Variants in UGGT2 observed in about 807,000 individuals in gnomAD.
UGGT2 encodes UDP-glucose:glycoprotein glucosyltransferase 2.
A neutral mutation model predicts 192.1 loss-of-function variants in UGGT2; 180 were observed. That is an observed-to-expected ratio of 0.94 (90% confidence interval 0.83 to 1.06). The LOEUF (loss-of-function observed/expected upper bound fraction) is 1.06, where lower values mean the gene tolerates loss of function less well. Ranked by LOEUF, UGGT2 falls within the 50% of genes least tolerant of loss-of-function variation. The pLI, the probability that UGGT2 is intolerant of heterozygous loss-of-function variation, is 0.00. For synonymous variants in UGGT2, 580 were observed against 591.0 expected (o/e 0.98, Z 0.27); for missense variants, 1,849 against 1,795.7 (o/e 1.03, Z -0.54).
chr13:95,815,409 T>C (rs937570627), intron 38 of UGGT2, among the ~76,000 whole-genome samples: 8 of 152,174 alleles, frequency 5.3e-5, no homozygotes, highest in African/African-American at 1.7e-4. Flanking sequence ...CCACAGGACA[T>C]AAGTCCAATA....
chr13:95,890,608 T>G (rs2047772800), intron 25 of UGGT2, among the ~76,000 whole-genome samples: 1 of 152,174 alleles, frequency 6.6e-6, no homozygotes, highest in Admixed American at 6.5e-5. Flanking sequence ...TAAAGTTCAC[T>G]GAGACCTATT....
At chr13:95,867,468 T>C in intron 29 of UGGT2, 45 bp from the exon 30 acceptor site, 2 of 1,472,418 alleles carry the variant, frequency 1.4e-6, no homozygotes, top group Non-Finnish European at 1.9e-6. Context: ...AGAATAGACA[T>C]ACAATTATGA....
At chr13:95,903,419 G>C (rs921422495) in intron 20 of UGGT2, among the ~76,000 whole-genome samples, 2 of 152,126 alleles carry the variant, frequency 1.3e-5, no homozygotes, top group African/African-American at 4.8e-5. Flanking sequence ...ACTCCAAAAA[G>C]ATTCCGCAGA....
At chr13:95,833,714 C>G (rs767437073) in intron 37 of UGGT2, among the ~76,000 whole-genome samples, 1 of 152,068 alleles carries the variant, frequency 6.6e-6, no homozygotes, top group Non-Finnish European at 1.5e-5. Flanking sequence ...ATATATTGGA[C>G]GTGAGCTGTA....
chr13:95,905,494 C>G (rs1380912661), intron 20 of UGGT2, among the ~76,000 whole-genome samples: 2 of 151,670 alleles, frequency 1.3e-5, no homozygotes, highest in Non-Finnish European at 2.9e-5. Context: ...GGAAGGGATC[C>G]AGTTTCAGCT....
At chr13:95,983,125 A>G (rs2051179602) in intron 10 of UGGT2, among the ~76,000 whole-genome samples, 1 of 152,186 alleles carries the variant, frequency 6.6e-6, no homozygotes, top group South Asian at 2.1e-4. Flanking sequence ...ATCCTCACCA[A>G]TGAGATAGAA....
At chr13:95,873,080 T>C (rs1379072986) in intron 29 of UGGT2, among the ~76,000 whole-genome samples, 1 of 152,222 alleles carries the variant, frequency 6.6e-6, no homozygotes, top group Non-Finnish European at 1.5e-5. Context: ...ACAATTCATA[T>C]ACAGGGCTTT....
At chr13:96,037,849 G>A (rs2053050558) in intron 1 of UGGT2, among the ~76,000 whole-genome samples, 1 of 152,140 alleles carries the variant, frequency 6.6e-6, no homozygotes, top group Non-Finnish European at 1.5e-5. Context: ...CAAATTGAAG[G>A]AAAGCAGAAT....
intron 33 of UGGT2, among the ~76,000 whole-genome samples, chr13:95,857,903 A>T (rs1889766634): frequency 6.6e-6 from 1 of 151,896 alleles, no homozygotes; most frequent in East Asian, 1.9e-4. Context: ...TGGGTTAAAT[A>T]CTCCCTTATT....
intron 27 of UGGT2, 128 bp downstream of exon 27, chr13:95,884,363 C>T (rs2047583856): frequency 3.9e-6 from 3 of 775,528 alleles, no homozygotes; most frequent in African/African-American, 1.8e-5. Flanking sequence ...TGGATCAGGA[C>T]CTAGAATCAT....
At chr13:95,873,331 C>A (rs1023856191) in intron 29 of UGGT2, among the ~76,000 whole-genome samples, 1 of 152,180 alleles carries the variant, frequency 6.6e-6, no homozygotes, top group African/African-American at 2.4e-5. Context: ...CACTCATTTT[C>A]TTGACTATCT....
At chr13:96,005,288 A>G (rs555958267) in intron 5 of UGGT2, among the ~76,000 whole-genome samples, 11 of 152,326 alleles carry the variant, frequency 7.2e-5, no homozygotes, top group African/African-American at 2.6e-4. Context: ...TGAAGCTGGT[A>G]AAGATATTTA....
chr13:95,860,519 T>C (rs534738559), intron 32 of UGGT2, among the ~76,000 whole-genome samples: 3 of 149,816 alleles, frequency 2.0e-5, no homozygotes, highest in African/African-American at 7.3e-5. Flanking sequence ...TAAAGTAGTA[T>C]GTTCTTTACT....
At chr13:95,850,431 A>C (rs917328261) in intron 36 of UGGT2, among the ~76,000 whole-genome samples, 1 of 152,214 alleles carries the variant, frequency 6.6e-6, no homozygotes, top group Admixed American at 6.5e-5. Context: ...ACTTCATGTT[A>C]AACAGCCACC....
In UGGT2 at chr13:95,859,556, C is replaced by CATT. The variant is rs1341212921; in HGVS notation, c.3825+32_3825+34dup. 4 of 1,462,644 alleles carry CATT rather than the reference C, an allele frequency of 2.7e-6. No homozygotes were observed. The Admixed American group carries it at 5.3e-5, about 19-fold the overall frequency. The allele number at this position is 1,462,644 out of a possible 1,614,324, so 90.6% of individuals were successfully genotyped here. On this transcript the variant is annotated intron_variant, in intron 33 of 38. Coordinates refer to ENST00000376747, the MANE Select transcript of UGGT2 (RefSeq NM_020121.4). ...TGATACAAATAATTTACTATTCAAA[C>CATT]ATTAACCATTCTACAAAAAAAGCTA... is the stretch of plus-strand genomic sequence containing the variant.
rs1389043251 is a variant in UGGT2 at position 95,999,662 on chromosome 13, G to A, written c.661-355C>T. Among the ~76,000 whole-genome samples the A allele has an allele frequency of 2.6e-5, 4 of 151,978 alleles. 1 individual carries two copies. The South Asian group carries it at 6.2e-4, about 24-fold the overall frequency. On this transcript the variant is annotated intron_variant, in intron 5 of 38. Transcript: ENST00000376747. ...TTTCAACAAAACTGTTTTCCTTTTT[G>A]GGGACCCCCAAAAGATTTGCTAAAC...
chr13:95,837,558 C>G (rs1182628945), intron 36 of UGGT2, among the ~76,000 whole-genome samples: 1 of 152,162 alleles, frequency 6.6e-6, no homozygotes, highest in Non-Finnish European at 1.5e-5. Flanking sequence ...ATATTGGTCA[C>G]CACAATGCTC....
chr13:95,950,674 A>G (rs2050032994), intron 12 of UGGT2, among the ~76,000 whole-genome samples: 1 of 151,664 alleles, frequency 6.6e-6, no homozygotes, highest in South Asian at 2.1e-4. Flanking sequence ...TATTTTTTAA[A>G]AAGTACAAAA....
intron 20 of UGGT2, among the ~76,000 whole-genome samples, chr13:95,921,349 G>GA (rs35149342): frequency 0.71 from 95,842 of 134,710 alleles, 35,025 homozygotes; most frequent in Non-Finnish European, 0.81. Flanking sequence ...TCTTAAAGTT[G>GA]AAAAAAAAAA....
Sources: allele counts gnomAD v4.1 joint callset (sites outside exome capture counted in the v4.1 genomes callset), GRCh38; gene constraint gnomAD v4.1.1; transcripts MANE v1.5; gene names NCBI Gene and HGNC (gene_info 2026-07-23, HGNC 2026-07-21).